The following TNFSF11 variants were observed in gnomAD, a reference collection of about 807,000 sequenced individuals.
The protein encoded by TNFSF11 is TNF superfamily member 11.
In TNFSF11, 12 loss-of-function variants were observed where a neutral mutation model predicts 32.2. That is an observed-to-expected ratio of 0.37 (90% CI 0.24 to 0.60). The LOEUF (loss-of-function observed/expected upper bound fraction) is 0.60. Among genes scored for constraint, TNFSF11 ranks in the 20% least tolerant of loss-of-function variants. The pLI is 0.66. For missense variants in TNFSF11, 345 were observed against 398.0 expected, an observed-to-expected ratio of 0.87 and a Z score of 1.13; for synonymous variants, 172 against 152.1, an observed-to-expected ratio of 1.13 and a Z score of -0.96.
chr13:42,583,417 T>TA (rs71747752), intron 2 of TNFSF11, among the ~76,000 whole-genome samples: 15,492 of 24,854 alleles, frequency 0.62, 4,937 homozygotes, highest in East Asian at 0.79. Context: ...AAGACCCTGC[T>TA]AAAAAAAAAA....
chr13:42,583,286 GCTGTAGTTCCAA>G (rs991641520), intron 2 of TNFSF11, among the ~76,000 whole-genome samples: 1 of 151,394 alleles, frequency 6.6e-6, no homozygotes, highest in African/African-American at 2.4e-5. Flanking sequence ...GGCAACCTGT[GCTGTAGTTCCAA>G]CTGCTCAGGA....
chr13:42,599,353 T>TATC (rs1566387360), intron 2 of TNFSF11, among the ~76,000 whole-genome samples: 2 of 144,854 alleles, frequency 1.4e-5, no homozygotes, highest in African/African-American at 2.6e-5. Context: ...ATCTATCATC[T>TATC]ATCTATCTAT....
chr13:42,565,134 T>C (rs577904377), intron 1 of TNFSF11, among the ~76,000 whole-genome samples: 1 of 152,298 alleles, frequency 6.6e-6, no homozygotes, highest in East Asian at 1.9e-4. Flanking sequence ...TTAATCTTTC[T>C]TATCTAGAAA....
intron 4 of TNFSF11, among the ~76,000 whole-genome samples, chr13:42,602,767 A>T (rs1009616984): frequency 6.6e-6 from 1 of 152,280 alleles, no homozygotes; most frequent in African/African-American, 2.4e-5. Context: ...ATACTAATGC[A>T]TCAGCTGTGT....
At chr13:42,591,934 A>G (rs558274761) in intron 2 of TNFSF11, among the ~76,000 whole-genome samples, 1 of 152,314 alleles carries the variant, frequency 6.6e-6, no homozygotes, top group South Asian at 2.1e-4. Flanking sequence ...TGCAGGTGGA[A>G]CTAAGAGTAA....
intron 2 of TNFSF11, among the ~76,000 whole-genome samples, chr13:42,587,314 C>G (rs963322357): frequency 6.6e-6 from 1 of 152,170 alleles, no homozygotes; most frequent in African/African-American, 2.4e-5. Context: ...TAGTCTCTAG[C>G]TGAGCAGCCA....
At chr13:42,590,895 C>A (rs1447162204) in intron 2 of TNFSF11, among the ~76,000 whole-genome samples, 1 of 152,220 alleles carries the variant, frequency 6.6e-6, no homozygotes, top group Non-Finnish European at 1.5e-5. Flanking sequence ...AAGCATCAGT[C>A]TGCTTTATGA....
chr13:42,602,105 G>A (rs1055832727), intron 4 of TNFSF11, among the ~76,000 whole-genome samples: 3 of 152,166 alleles, frequency 2.0e-5, no homozygotes, highest in African/African-American at 7.2e-5. Context: ...TTCATGTGAC[G>A]TCTAATAACA....
chr13:42,573,750 A>T (rs945642721), upstream of TNFSF11, among the ~76,000 whole-genome samples: 1 of 152,168 alleles, frequency 6.6e-6, no homozygotes, highest in Non-Finnish European at 1.5e-5. Flanking sequence ...GAGATCATCA[A>T]ATTTAACTTT....
chr13:42,566,238 G>A (rs1204364065), intron 1 of TNFSF11, among the ~76,000 whole-genome samples: 1 of 152,200 alleles, frequency 6.6e-6, no homozygotes, highest in Non-Finnish European at 1.5e-5. Context: ...AGCCATGAGA[G>A]ATCCCCAGTC....
At chr13:42,605,508 A>G (rs1396942060) in intron 4 of TNFSF11, among the ~76,000 whole-genome samples, 5 of 152,200 alleles carry the variant, frequency 3.3e-5, no homozygotes, top group African/African-American at 9.7e-5. Context: ...GGTATTGCCA[A>G]TTTTTAATGA....
intron 2 of TNFSF11, among the ~76,000 whole-genome samples, chr13:42,598,003 A>G (rs1868916070): frequency 6.6e-6 from 1 of 152,080 alleles, no homozygotes; most frequent in African/African-American, 2.4e-5. Flanking sequence ...CGCCACACCC[A>G]GCTAATTTTA....
intron 2 of TNFSF11, 34 bp downstream of exon 2, chr13:42,581,327 C>G: frequency 6.2e-7 from 1 of 1,611,896 alleles, no homozygotes; most frequent in South Asian, 1.1e-5. Flanking sequence ...AGTCAAGGGC[C>G]CTTGCTGACT....
At chr13:42,606,400 T>A in intron 4 of TNFSF11, 97 bp from the exon 5 acceptor site, 2 of 1,405,322 alleles carry the variant, frequency 1.4e-6, no homozygotes, top group East Asian at 4.6e-5. Flanking sequence ...AAATAATGAC[T>A]GCTATACTAT....
At chr13:42,568,822 A>G (rs1380859580) in intron 2 of TNFSF11, among the ~76,000 whole-genome samples, 1 of 152,212 alleles carries the variant, frequency 6.6e-6, no homozygotes, top group Non-Finnish European at 1.5e-5. Context: ...GATTATACAC[A>G]TTTTAAAAAT....
intron 1 of TNFSF11, 112 bp downstream of exon 1, chr13:42,574,634 G>T (rs1396501341): frequency 1.5e-6 from 2 of 1,304,046 alleles, no homozygotes; most frequent in Non-Finnish European, 2.1e-6. Flanking sequence ...TGCATATTCC[G>T]GAAGGGAAAG....
At chr13:42,570,038 T>C (rs1043254728), upstream of TNFSF11, among the ~76,000 whole-genome samples, 1 of 152,154 alleles carries the variant, frequency 6.6e-6, no homozygotes, top group African/African-American at 2.4e-5. Context: ...TGCTTGGAGT[T>C]TGAATACACC....
intron 2 of TNFSF11, among the ~76,000 whole-genome samples, chr13:42,593,562 ATCTGCAGGACTTC>A (rs1306332700): frequency 6.6e-6 from 1 of 152,200 alleles, no homozygotes; most frequent in South Asian, 2.1e-4. Flanking sequence ...CAAGGTGGAA[ATCTGCAGGACTTC>A]TCTGCAGGAA....
rs143195250 is a variant in TNFSF11, at chr13:42,593,938, A to G, written c.388-6814A>G. ...CTGTGCTCTGATTGACAGGTACCAC[A>G]TGGATCACACAATTCACATCACAAT... is the stretch of plus-strand genomic sequence containing the variant. On this transcript the variant is annotated intron_variant, in intron 2 of 4. Transcript: ENST00000398795. Among the ~76,000 whole-genome samples, 244 of 152,324 alleles carry G rather than the reference A, an allele frequency of 1.6e-3. 1 individual carries two copies. The highest frequency in any genetic ancestry group is 3.1e-3 in the Admixed American group (47 of 15,306).
Sources: gnomAD v4.1 joint callset for allele counts (sites outside exome capture counted in the v4.1 genomes callset) on GRCh38, gnomAD v4.1.1 for gene constraint, MANE v1.5 for transcripts, NCBI Gene and HGNC (gene_info 2026-07-23, HGNC 2026-07-21) for gene names.